Variants in ADAM23 observed in about 807,000 individuals in gnomAD.
ADAM23 encodes the protein disintegrin and metalloproteinase domain-containing protein 23.
In ADAM23, 33 loss-of-function variants were observed where a neutral mutation model predicts 120.1. The observed-to-expected ratio is 0.27, with a 90% CI of 0.21 to 0.37. ADAM23 has a LOEUF of 0.37. Among genes scored for constraint, ADAM23 ranks in the 10% least tolerant of loss-of-function variants. ADAM23 has a pLI of 1.00. For synonymous variants in ADAM23, 367 were observed against 375.2 expected (o/e 0.98, Z 0.25); for missense variants, 862 against 1,058.2 (o/e 0.81, Z 2.57).
chr2:206,504,998 AAT>A (rs1342771026), intron 3 of ADAM23, among the ~76,000 whole-genome samples: 5 of 152,224 alleles, frequency 3.3e-5, no homozygotes, highest in African/African-American at 1.2e-4. Context: ...TGGGACTGAG[AAT>A]ATGTTTTGAG....
intron 8 of ADAM23, 71 bp downstream of exon 8, chr2:206,548,425 A>G (rs187398803): frequency 7.0e-7 from 1 of 1,434,788 alleles, no homozygotes; most frequent in East Asian, 2.3e-5. Flanking sequence ...ACCCCACATT[A>G]TCTAAGTGTA....
chr2:206,599,583 A>T (rs1698597551), intron 24 of ADAM23, among the ~76,000 whole-genome samples: 1 of 152,186 alleles, frequency 6.6e-6, no homozygotes. Context: ...TTTGTTTTTG[A>T]TTGTCAGGTT....
At chr2:206,454,926 G>T (rs11891651) in intron 2 of ADAM23, among the ~76,000 whole-genome samples, 2,982 of 152,334 alleles carry the variant, frequency 0.02, 105 homozygotes, top group African/African-American at 0.068. Context: ...GGCATTGAGT[G>T]CCCGTGGCCT....
intron 9 of ADAM23, among the ~76,000 whole-genome samples, chr2:206,557,206 A>G (rs1312123685): frequency 6.6e-6 from 1 of 152,156 alleles, no homozygotes; most frequent in African/African-American, 2.4e-5. Context: ...TTGGGATTAC[A>G]GTTGTGAGCC....
intron 3 of ADAM23, among the ~76,000 whole-genome samples, chr2:206,489,923 TA>T (rs879298985): frequency 1.3e-5 from 2 of 152,194 alleles, no homozygotes; most frequent in Non-Finnish European, 2.9e-5. Flanking sequence ...GGATTGAAAA[TA>T]ATGCTGTTTG....
intron 3 of ADAM23, among the ~76,000 whole-genome samples, chr2:206,512,275 C>T (rs1180909757): frequency 6.6e-6 from 1 of 152,112 alleles, no homozygotes; most frequent in Non-Finnish European, 1.5e-5. Flanking sequence ...TCAAATTCTT[C>T]TCTAGTTAAG....
At chr2:206,484,475 A>T (rs1695963937) in intron 3 of ADAM23, among the ~76,000 whole-genome samples, 1 of 152,064 alleles carries the variant, frequency 6.6e-6, no homozygotes, top group Non-Finnish European at 1.5e-5. Context: ...GTCACTGCAG[A>T]GTGTGAATGA....
chr2:206,582,532 A>G (rs1035810859), intron 18 of ADAM23, among the ~76,000 whole-genome samples: 1 of 152,158 alleles, frequency 6.6e-6, no homozygotes, highest in Non-Finnish European at 1.5e-5. Context: ...AGGCCATTAC[A>G]TTCAATGTTA....
Position 206,547,497 on chromosome 2 carries a change from T to A in ADAM23, c.789T>A (p.Asn263Lys). Residue 263 changes from asparagine to lysine, a missense_variant, in exon 7 of 26, where the codon AAT (asparagine) becomes AAA (lysine). By Grantham distance (94) the Asn-to-Lys change is moderately conservative (BLOSUM62 0). Transcript: ENST00000264377. ...GACAGTATTCTAAGCAAATGAAGAA[T>A]CTCAGTAAGTTTTAACTAAAAATAG... ...LAGQYSKQMK[N>K]LTMERGDQWP... 2 of 1,609,580 alleles carry A rather than the reference T, an allele frequency of 1.2e-6. No homozygotes were observed. The highest frequency in any genetic ancestry group is 1.7e-6 in the Non-Finnish European group (2 of 1,176,346).
At chr2:206,540,568 ACAAG>A (rs1697269723) in intron 4 of ADAM23, among the ~76,000 whole-genome samples, 2 of 152,252 alleles carry the variant, frequency 1.3e-5, no homozygotes, top group South Asian at 4.1e-4. Flanking sequence ...AGAAGAGAAA[ACAAG>A]CAGGTGAGAT....
At chr2:206,465,332 A>G (rs915917984) in intron 2 of ADAM23, among the ~76,000 whole-genome samples, 9 of 152,298 alleles carry the variant, frequency 5.9e-5, no homozygotes, top group Admixed American at 5.9e-4. Context: ...GAGCCACTGC[A>G]TCTGGCCTAC....
At chr2:206,471,321 G>A (rs910792748) in intron 2 of ADAM23, among the ~76,000 whole-genome samples, 53 of 152,234 alleles carry the variant, frequency 3.5e-4, no homozygotes, top group African/African-American at 1.3e-3. Flanking sequence ...GAATCCTTGT[G>A]TAGTCATCAT....
chr2:206,550,762 C>T (rs1381564759), intron 9 of ADAM23, among the ~76,000 whole-genome samples: 4 of 152,188 alleles, frequency 2.6e-5, no homozygotes, highest in Admixed American at 6.5e-5. Context: ...CCACTACGCC[C>T]GGCTAATTTT....
At chr2:206,577,392 C>T (rs1427855339) in intron 18 of ADAM23, among the ~76,000 whole-genome samples, 1 of 138,574 alleles carries the variant, frequency 7.2e-6, no homozygotes, top group Non-Finnish European at 1.6e-5. Context: ...AGGTATATCT[C>T]CCAATGCTAT....
At chr2:206,533,657 A>G (rs1314012602) in intron 4 of ADAM23, among the ~76,000 whole-genome samples, 1 of 152,220 alleles carries the variant, frequency 6.6e-6, no homozygotes, top group Non-Finnish European at 1.5e-5. Context: ...ATTAGTTGCA[A>G]CCATACTTTG....
intron 2 of ADAM23, among the ~76,000 whole-genome samples, chr2:206,448,834 T>C (rs1695134987): frequency 6.6e-6 from 1 of 152,250 alleles, no homozygotes; most frequent in Non-Finnish European, 1.5e-5. Flanking sequence ...GCTCTTCATC[T>C]GTATTCTTTG....
intron 24 of ADAM23, among the ~76,000 whole-genome samples, chr2:206,599,516 A>G (rs1196739935): frequency 6.6e-6 from 1 of 152,202 alleles, no homozygotes; most frequent in Non-Finnish European, 1.5e-5. Flanking sequence ...AAATCTATTA[A>G]TATACTGGTA....
chr2:206,491,677 A>G (rs1030148807), intron 3 of ADAM23, among the ~76,000 whole-genome samples: 13 of 152,212 alleles, frequency 8.5e-5, no homozygotes, highest in Admixed American at 6.5e-4. Flanking sequence ...AGCATCTGAG[A>G]TAAGTTTATT....
At chr2:206,508,161 C>T (rs1288657983) in intron 3 of ADAM23, among the ~76,000 whole-genome samples, 1 of 152,106 alleles carries the variant, frequency 6.6e-6, no homozygotes, top group African/African-American at 2.4e-5. Context: ...TCCCGAGTAG[C>T]TGGGACTACA....
Sources: allele counts gnomAD v4.1 joint callset (sites outside exome capture counted in the v4.1 genomes callset), GRCh38; gene constraint gnomAD v4.1.1; transcripts MANE v1.5; gene names NCBI Gene and HGNC (gene_info 2026-07-23, HGNC 2026-07-21).